The following PDE10A variants were observed in gnomAD, a reference collection of about 807,000 sequenced individuals.
PDE10A encodes the protein phosphodiesterase 10A.
PDE10A carries 39 observed loss-of-function variants against 97.7 expected under a neutral mutation model. That is an observed-to-expected ratio of 0.40 (90% CI 0.31 to 0.52). The LOEUF is 0.52. Ranked by LOEUF, PDE10A falls within the 20% of genes least tolerant of loss-of-function variation. The pLI is 0.56. For missense variants in PDE10A, 731 were observed against 1,047.8 expected, an observed-to-expected ratio of 0.70 and a Z score of 4.17; for synonymous variants, 371 against 376.8, an observed-to-expected ratio of 0.98 and a Z score of 0.18.
At chr6:165,359,897 C>T (rs1344546680) in intron 18 of PDE10A, among the ~76,000 whole-genome samples, 2 of 152,052 alleles carry the variant, frequency 1.3e-5, no homozygotes, top group Admixed American at 6.6e-5. Flanking sequence ...CCAGATGTGG[C>T]CTGAGGCTTT....
intron 10 of PDE10A, among the ~76,000 whole-genome samples, chr6:165,420,236 G>A (rs764586724): frequency 5.9e-5 from 9 of 152,188 alleles, no homozygotes; most frequent in South Asian, 2.1e-4. Flanking sequence ...GGACATAGCC[G>A]CGTTCATTCA....
At chr6:165,412,713 A>G (rs1378142723) in intron 13 of PDE10A, among the ~76,000 whole-genome samples, 1 of 152,082 alleles carries the variant, frequency 6.6e-6, no homozygotes, top group Non-Finnish European at 1.5e-5. Flanking sequence ...TATGAGTTAC[A>G]CGGTTACTCC....
At chr6:165,918,880 C>T (rs750411911) in intron 1 of PDE10A, among the ~76,000 whole-genome samples, 2 of 151,984 alleles carry the variant, frequency 1.3e-5, no homozygotes, top group Admixed American at 6.6e-5. Context: ...GATGTGTTTG[C>T]GACCTGTTGA....
chr6:165,554,719 T>C (rs534963839), intron 1 of PDE10A, among the ~76,000 whole-genome samples: 14 of 152,320 alleles, frequency 9.2e-5, no homozygotes, highest in African/African-American at 3.4e-4. Flanking sequence ...ACTCCTCTGT[T>C]TGTTGCAGCA....
chr6:165,916,287 T>A (rs1437619097), intron 1 of PDE10A, among the ~76,000 whole-genome samples: 2 of 152,238 alleles, frequency 1.3e-5, no homozygotes, highest in Non-Finnish European at 2.9e-5. Context: ...CTTCATGACC[T>A]AATTCCAAGT....
At chr6:165,719,830 T>G (rs1276266444) in intron 1 of PDE10A, among the ~76,000 whole-genome samples, 1 of 152,184 alleles carries the variant, frequency 6.6e-6, no homozygotes, top group African/African-American at 2.4e-5. Context: ...TAATACTAAT[T>G]GCAGGGAAAA....
At chr6:165,489,938 T>C (rs928590612) in intron 2 of PDE10A, among the ~76,000 whole-genome samples, 1 of 152,220 alleles carries the variant, frequency 6.6e-6, no homozygotes, top group Non-Finnish European at 1.5e-5. Flanking sequence ...CCAAGAAGTT[T>C]AAAATTACGT....
intron 1 of PDE10A, among the ~76,000 whole-genome samples, chr6:165,685,328 G>A (rs1791085576): frequency 6.6e-6 from 1 of 151,866 alleles, no homozygotes; most frequent in Admixed American, 6.6e-5. Flanking sequence ...TCAAAATGGT[G>A]GCTTGTGCAG....
At chr6:165,639,064 CAG>C (rs376022884) in intron 1 of PDE10A, among the ~76,000 whole-genome samples, 208 of 145,604 alleles carry the variant, frequency 1.4e-3, no homozygotes, top group Admixed American at 1.3e-3. Flanking sequence ...GGGAGGGAGA[CAG>C]AGAGAGAGAG....
chr6:165,491,455 A>C (rs2128287726), intron 2 of PDE10A, among the ~76,000 whole-genome samples: 1 of 152,338 alleles, frequency 6.6e-6, no homozygotes, highest in Non-Finnish European at 1.5e-5. Flanking sequence ...TCTATTCATC[A>C]GCACATGGAA....
intron 1 of PDE10A, among the ~76,000 whole-genome samples, chr6:165,898,861 C>T (rs1023146563): frequency 2.0e-5 from 3 of 152,206 alleles, no homozygotes; most frequent in African/African-American, 4.8e-5. Context: ...GCTGTCCCTA[C>T]GGCAGCCTCA....
At chr6:165,636,912 T>C (rs1005002145) in intron 1 of PDE10A, among the ~76,000 whole-genome samples, 4 of 152,150 alleles carry the variant, frequency 2.6e-5, no homozygotes, top group Admixed American at 6.5e-5. Flanking sequence ...GGGATCTCAA[T>C]AGCCTGCCTC....
At chr6:165,477,763 ACT>A (rs1779376598) in intron 3 of PDE10A, among the ~76,000 whole-genome samples, 1 of 152,336 alleles carries the variant, frequency 6.6e-6, no homozygotes, top group Admixed American at 6.5e-5. Flanking sequence ...TAAAACTGAG[ACT>A]CATCTCAATA....
At chr6:165,807,057 G>T (rs1052960564) in intron 1 of PDE10A, among the ~76,000 whole-genome samples, 1 of 152,142 alleles carries the variant, frequency 6.6e-6, no homozygotes, top group African/African-American at 2.4e-5. Flanking sequence ...AGTTCTTTTG[G>T]ACCAGCGTAT....
chr6:165,839,524 T>G (rs1339974873), intron 1 of PDE10A, among the ~76,000 whole-genome samples: 1 of 152,174 alleles, frequency 6.6e-6, no homozygotes, highest in African/African-American at 2.4e-5. Context: ...CAGTCCCCAA[T>G]TCCTATGGAG....
chr6:165,977,893 A>G (rs1386279267), intron 1 of PDE10A, among the ~76,000 whole-genome samples: 1 of 152,240 alleles, frequency 6.6e-6, no homozygotes, highest in Admixed American at 6.5e-5. Context: ...TAGTGATACA[A>G]CAGAATATTA....
intron 13 of PDE10A, among the ~76,000 whole-genome samples, chr6:165,405,479 T>C (rs1341507329): frequency 6.6e-6 from 1 of 152,188 alleles, no homozygotes; most frequent in East Asian, 1.9e-4. Flanking sequence ...AAACAAAGGA[T>C]GCAACACTGA....
At chr6:165,595,866 C>T (rs1486415713) in intron 1 of PDE10A, among the ~76,000 whole-genome samples, 1 of 152,178 alleles carries the variant, frequency 6.6e-6, no homozygotes, top group South Asian at 2.1e-4. Context: ...GTACAGCCCT[C>T]ATGACCTGAC....
rs185857638 is a variant in PDE10A at position 165,760,840 on chromosome 6, G to A, written c.-614-217272C>T. On this transcript the variant is annotated intron_variant, in intron 1 of 19. Transcript: ENST00000366882. ...TGTCAGGGAAGGGATTTGAGTTGTGGGCTTGAAATTTGTAGCAGCTCCAAC... is the reference window on the plus strand; with the variant it reads ...TGTCAGGGAAGGGATTTGAGTTGTGAGCTTGAAATTTGTAGCAGCTCCAAC... 7.2e-5 allele frequency among the ~76,000 whole-genome samples: 11 copies of A among 152,278 alleles called. No individual in the cohort carries two copies. In the East Asian group the frequency reaches 2.1e-3, roughly 29 times the overall value.
Sources: allele counts gnomAD v4.1 joint callset (sites outside exome capture counted in the v4.1 genomes callset), GRCh38; gene constraint gnomAD v4.1.1; transcripts MANE v1.5; gene names NCBI Gene and HGNC (gene_info 2026-07-23, HGNC 2026-07-21).